The following LRP2 variants were observed in gnomAD, a reference collection of about 807,000 sequenced individuals.
The protein encoded by LRP2 is LDL receptor related protein 2.
A neutral mutation model predicts 531.0 loss-of-function variants in LRP2; 172 were observed. The observed-to-expected ratio is 0.32, with a 90% CI of 0.29 to 0.37. The LOEUF (loss-of-function observed/expected upper bound fraction) is 0.37, where lower values mean the gene tolerates loss of function less well. Ranked by LOEUF, LRP2 falls within the 10% of genes least tolerant of loss-of-function variation. The pLI, the probability that LRP2 is intolerant of heterozygous loss-of-function variation, is 1.00. For synonymous variants in LRP2, 1,992 were observed against 2,027.6 expected (o/e 0.98, Z 0.47); for missense variants, 5,167 against 5,868.3 (o/e 0.88, Z 3.90).
chr2:169,360,128 C>CAAAAAAAAAAAA (rs67818940), intron 1 of LRP2, among the ~76,000 whole-genome samples: 5 of 105,030 alleles, frequency 4.8e-5, no homozygotes, highest in African/African-American at 2.1e-4. Flanking sequence ...CTGTCTCTCT[C>CAAAAAAAAAAAA]AAAAAAAAAA....
intron 1 of LRP2, among the ~76,000 whole-genome samples, chr2:169,348,997 G>A (rs1213127278): frequency 6.6e-6 from 1 of 152,134 alleles, no homozygotes; most frequent in African/African-American, 2.4e-5. Context: ...CCCCTTCTTA[G>A]CACCCATGGT....
intron 6 of LRP2, 76 bp downstream of exon 6, chr2:169,294,072 G>A (rs1032849826): frequency 9.3e-5 from 91 of 980,840 alleles, no homozygotes; most frequent in Admixed American, 3.9e-4. Context: ...GGGGAGCGGG[G>A]GGATAAAACA....
At chr2:169,287,774 C>A (rs1683896754) in intron 9 of LRP2, among the ~76,000 whole-genome samples, 1 of 150,890 alleles carries the variant, frequency 6.6e-6, no homozygotes, top group Admixed American at 6.6e-5. Flanking sequence ...GACTGAATAA[C>A]TGCATTAGGT....
At position 169,239,737 on chromosome 2, in the gene LRP2, G is replaced by T; in HGVS notation, c.4084C>A (p.His1362Asn). ...SCSDFNGGCT[H>N]ECVQEPFGAK... is the part of the protein sequence containing the mutation. Reference sequence around the variant, plus strand: ...CCAAAGGGCTCTTGAACACACTCGTGAGTACAACCACCATTGAAATCTGAG... The same window carrying T: ...CCAAAGGGCTCTTGAACACACTCGTTAGTACAACCACCATTGAAATCTGAG... Residue 1362 changes from histidine (H) to asparagine (N), a missense_variant, in exon 26 of 79, where the codon CAC becomes AAC. This residue lies in a region of LRP2 where 2,811 missense variants were observed against 3,058.0 expected (regional missense o/e 0.92). Transcript: ENST00000649046. 1 of 1,614,066 alleles carries T rather than the reference G, an allele frequency of 6.2e-7. No homozygotes were observed. Among genetic ancestry groups the T allele is most frequent in the South Asian group, 1.1e-5 (1 of 91,072 alleles).
intron 70 of LRP2, among the ~76,000 whole-genome samples, chr2:169,144,074 G>C (rs1685821608): frequency 6.6e-6 from 1 of 152,186 alleles, no homozygotes; most frequent in East Asian, 1.9e-4. Context: ...GTGGGCCTGA[G>C]AGACTGCATT....
At chr2:169,237,814 A>C (rs1689659997) in intron 27 of LRP2, among the ~76,000 whole-genome samples, 1 of 152,192 alleles carries the variant, frequency 6.6e-6, no homozygotes, top group Non-Finnish European at 1.5e-5. Context: ...ATCCACAAGA[A>C]AAGACTGCAA....
In LRP2 at chr2:169,206,774, T is replaced by A. The variant is rs765884921; in HGVS notation, c.6946A>T (p.Ile2316Leu). ...CTTAGCCAGTTGATATTGTCTCTTATCACTGTGGGTGGCTCTGTGTTCTCT... is the reference window on the plus strand; with the variant it reads ...CTTAGCCAGTTGATATTGTCTCTTAACACTGTGGGTGGCTCTGTGTTCTCT... ...EPENTEPPTV[I>L]RDNINWLRDV... Residue 2316 changes from isoleucine (I) to leucine (L), a missense_variant, in exon 39 of 79, where the codon ATA becomes TTA. This residue lies in a region of LRP2 where 2,811 missense variants were observed against 3,058.0 expected (regional missense o/e 0.92). Coordinates refer to ENST00000649046, the MANE Select transcript of LRP2 (RefSeq NM_004525.3). The A allele has an allele frequency of 6.2e-7, 1 of 1,614,158 alleles. No homozygotes were observed. The highest frequency in any genetic ancestry group is 8.5e-7 in the Non-Finnish European group (1 of 1,180,018).
chr2:169,182,546 T>C, intron 50 of LRP2: 1 of 1,406,980 alleles, frequency 7.1e-7, no homozygotes, highest in Non-Finnish European at 9.3e-7. Flanking sequence ...GGTGGTGTCA[T>C]GTAGAAAATA....
Position 169,225,372 on chromosome 2 carries a change from G to C in LRP2, c.5476C>G (p.Leu1826Val), listed in dbSNP as rs760000383. 6.2e-7 allele frequency: 1 copy of C among 1,613,834 alleles called. No homozygotes were observed. ...TTTCTTGAAATCCAATCTAAGGCCA[G>C]GTTCATAGAAGGCCCCACCATAGAT... ...SISMVGPSMN[L>V]ALDWISRNLY... The change falls in exon 33 of 79, where the codon CTG becomes GTG. Residue 1826 changes from leucine to valine, a missense_variant. Transcript: ENST00000649046.
chr2:169,142,605 T>G lies in LRP2; in HGVS notation c.13108+69A>C. 4 of 1,605,310 alleles carry G rather than the reference T, an allele frequency of 2.5e-6. No individual in the cohort carries two copies. The Admixed American group carries it at 6.7e-5, about 27-fold the overall frequency. ...TGCAAAGGACCCAGCATACAGGGAT[T>G]CTTCTGACTCCTGAAGGCAGCAGAG... On this transcript the variant is annotated intron_variant, in intron 71 of 78. Coordinates refer to ENST00000649046, the MANE Select transcript of LRP2 (RefSeq NM_004525.3).
At chr2:169,233,291 A>C in intron 30 of LRP2, 120 bp downstream of exon 30, 1 of 1,130,872 alleles carries the variant, frequency 8.8e-7, no homozygotes, top group Admixed American at 1.9e-5. Flanking sequence ...GGTGGTTTGT[A>C]AAGAGAAAAG....
chr2:169,175,574 G>A (rs1177177004), intron 54 of LRP2, among the ~76,000 whole-genome samples, 185 bp from the exon 55 acceptor site: 1 of 152,036 alleles, frequency 6.6e-6, no homozygotes, highest in South Asian at 2.1e-4. Context: ...TGGCAAGATA[G>A]AACAGGTTTC....
chr2:169,349,723 T>C (rs549556684), intron 1 of LRP2, among the ~76,000 whole-genome samples: 2 of 152,322 alleles, frequency 1.3e-5, no homozygotes, highest in African/African-American at 4.8e-5. Context: ...CAGCCTGACA[T>C]AGGACACTCT....
intron 16 of LRP2, among the ~76,000 whole-genome samples, chr2:169,259,507 TC>T (rs1690454477): frequency 6.6e-6 from 1 of 151,900 alleles, no homozygotes; most frequent in South Asian, 2.1e-4. Flanking sequence ...TGTCCAACCT[TC>T]CAGAAAAAAA....
intron 16 of LRP2, among the ~76,000 whole-genome samples, chr2:169,263,220 G>A (rs928911325): frequency 6.6e-6 from 1 of 152,076 alleles, no homozygotes; most frequent in African/African-American, 2.4e-5. Flanking sequence ...AAAAGCAATG[G>A]CAACAAAAGC....
At chr2:169,156,547 GA>G in intron 64 of LRP2, 142 bp from the exon 65 acceptor site, 1 of 941,110 alleles carries the variant, frequency 1.1e-6, no homozygotes, top group Non-Finnish European at 1.7e-6. Context: ...AAACATTTGT[GA>G]AACACTAAGT....
intron 9 of LRP2, 60 bp from the exon 10 acceptor site, chr2:169,283,061 T>G: frequency 1.9e-6 from 3 of 1,581,816 alleles, no homozygotes; most frequent in Non-Finnish European, 2.6e-6. Context: ...AAGCACTCTC[T>G]GACAAAAATC....
intron 61 of LRP2, among the ~76,000 whole-genome samples, chr2:169,168,018 A>AAAATATATATATATATATATATATATAT (rs1553488719): frequency 1.5e-5 from 1 of 68,186 alleles, no homozygotes; most frequent in African/African-American, 5.2e-5. Flanking sequence ...CAGGGTTTAA[A>AAAATATATATATATATATATATATATAT]ATATATATAT....
intron 34 of LRP2, 102 bp downstream of exon 34, chr2:169,220,352 A>G (rs543806693): frequency 4.8e-6 from 4 of 837,114 alleles, no homozygotes; most frequent in East Asian, 4.9e-5. Context: ...TGACATATGA[A>G]ATCAGAAGAT....
Sources: allele counts gnomAD v4.1 joint callset (sites outside exome capture counted in the v4.1 genomes callset), GRCh38; gene constraint gnomAD v4.1.1; regional missense constraint gnomAD v4.1.1; transcripts MANE v1.5; gene names NCBI Gene and HGNC (gene_info 2026-07-23, HGNC 2026-07-21).